Variants in ARHGAP26 observed in about 807,000 individuals in gnomAD.
ARHGAP26 encodes the protein Rho GTPase activating protein 26.
A neutral mutation model predicts 104.8 loss-of-function variants in ARHGAP26; 38 were observed. That is an observed-to-expected ratio of 0.36 (90% CI 0.28 to 0.48). ARHGAP26 has a LOEUF of 0.48. Among genes scored for constraint, ARHGAP26 ranks in the 20% least tolerant of loss-of-function variants. The pLI, the probability that ARHGAP26 is intolerant of heterozygous loss-of-function variation, is 0.99. For missense variants in ARHGAP26, 704 were observed against 947.9 expected (o/e 0.74, Z 3.38); for synonymous variants, 341 against 340.0 (o/e 1.00, Z -0.03).
chr5:143,096,176 G>A (rs1029093637), intron 17 of ARHGAP26, among the ~76,000 whole-genome samples: 1 of 152,144 alleles, frequency 6.6e-6, no homozygotes, highest in Non-Finnish European at 1.5e-5. Flanking sequence ...TGCTCATTTA[G>A]AAAATATTAG....
Position 142,871,698 on chromosome 5 carries a change from G to A in ARHGAP26, c.155-1702G>A, listed in dbSNP as rs1350933899. On this transcript the variant is annotated intron_variant, in intron 1 of 22. Coordinates refer to ENST00000645722, the MANE Select transcript of ARHGAP26 (RefSeq NM_001135608.3). This position sits in a 1 kb window ranked among gnomAD's most constrained non-coding sequence, Gnocchi z 4.1. ...GCCCACGGTGTTCTGGCTTTTGGGT[G>A]CATCTGTTTCCTTCCTGGCTTGCCT... 6.6e-6 allele frequency among the ~76,000 whole-genome samples: 1 copy of A among 152,154 alleles called. No individual in the cohort carries two copies. Among genetic ancestry groups the A allele is most frequent in the Non-Finnish European group, 1.5e-5 (1 of 68,028 alleles).
chr5:142,813,000 C>T (rs184797659), intron 1 of ARHGAP26, among the ~76,000 whole-genome samples: 2 of 148,718 alleles, frequency 1.3e-5, no homozygotes, highest in Non-Finnish European at 1.5e-5. Context: ...TGCAGTGGCG[C>T]GATCTCGGCT....
chr5:143,012,722 C>T (rs995460710), intron 11 of ARHGAP26, among the ~76,000 whole-genome samples: 5 of 149,042 alleles, frequency 3.4e-5, no homozygotes, highest in Admixed American at 6.8e-5. Flanking sequence ...GGCGTGATCT[C>T]GGCTCACTGC....
intron 9 of ARHGAP26, chr5:142,908,962 G>A (rs7705560): frequency 0.41 from 67,181 of 165,558 alleles, 16,772 homozygotes; most frequent in East Asian, 0.86. Flanking sequence ...TTGCTCCTAT[G>A]CTTTATTTTC....
At chr5:142,855,775 G>A (rs1455130327) in intron 1 of ARHGAP26, among the ~76,000 whole-genome samples, 2 of 152,168 alleles carry the variant, frequency 1.3e-5, no homozygotes, top group Admixed American at 6.5e-5. Flanking sequence ...ATTGTTTTCT[G>A]GTTTGGATGT....
chr5:143,026,361 A>G (rs1389105689), intron 12 of ARHGAP26, among the ~76,000 whole-genome samples: 2 of 152,220 alleles, frequency 1.3e-5, no homozygotes, highest in Non-Finnish European at 2.9e-5. Context: ...GGTAGAGATG[A>G]GTATTCTGCA....
At chr5:142,887,964 CA>C (rs1028279404) in intron 5 of ARHGAP26, among the ~76,000 whole-genome samples, 2 of 150,990 alleles carry the variant, frequency 1.3e-5, no homozygotes, top group Admixed American at 6.6e-5. Context: ...GACTCTTTCT[CA>C]AAAAAAACCA....
chr5:143,103,726 G>A (rs777531263), intron 17 of ARHGAP26, among the ~76,000 whole-genome samples: 2 of 152,130 alleles, frequency 1.3e-5, no homozygotes, highest in African/African-American at 4.8e-5. Flanking sequence ...GTTCTCACTC[G>A]TAAGTGGGAG....
chr5:143,168,767 A>G (rs1330289114), intron 20 of ARHGAP26: 1 of 152,140 alleles, frequency 6.6e-6, no homozygotes. Context: ...CTCAGAAACA[A>G]TCAGGATAGA....
At chr5:143,129,689 T>C (rs1288978562) in intron 18 of ARHGAP26, among the ~76,000 whole-genome samples, 2 of 152,192 alleles carry the variant, frequency 1.3e-5, no homozygotes, top group African/African-American at 2.4e-5. Context: ...TACATGGTTA[T>C]TGTGAGTAAA....
intron 1 of ARHGAP26, among the ~76,000 whole-genome samples, chr5:142,836,545 A>G (rs958271264): frequency 6.6e-6 from 1 of 152,206 alleles, no homozygotes; most frequent in Non-Finnish European, 1.5e-5. Context: ...AGTAATTTCC[A>G]TAGTTTTCCT....
rs143843685 is a variant in ARHGAP26, at chr5:142,904,673, G to A, written c.832+1004G>A. On this transcript the variant is annotated intron_variant, in intron 8 of 22. Transcript: ENST00000645722. ...AAAGGCTCTGTGATGGGGCCGTGCC[G>A]TTTAGGATAGCACATTCAGACTTAA... Among the ~76,000 whole-genome samples the A allele has an allele frequency of 6.4e-3, 969 of 152,274 alleles. 1 individual carries two copies. The highest frequency in any genetic ancestry group is 0.01 in the Non-Finnish European group (690 of 68,022).
At chr5:142,985,998 T>G (rs994248557) in intron 11 of ARHGAP26, among the ~76,000 whole-genome samples, 8 of 152,192 alleles carry the variant, frequency 5.3e-5, no homozygotes, top group African/African-American at 1.9e-4. Context: ...GCAGCATGAT[T>G]TATAATTCCT....
At chr5:142,986,915 T>C (rs1774829978) in intron 11 of ARHGAP26, among the ~76,000 whole-genome samples, 2 of 152,232 alleles carry the variant, frequency 1.3e-5, no homozygotes, top group South Asian at 4.1e-4. Context: ...AGCTTTGTGG[T>C]ATAGTTTGAA....
In ARHGAP26 at chr5:143,027,218, C is replaced by T. The variant is rs951155385; in HGVS notation, c.1145-9978C>T. 3.3e-5 allele frequency among the ~76,000 whole-genome samples: 5 copies of T among 151,062 alleles called. No individual in the cohort carries two copies. The East Asian group carries it at 9.7e-4, about 29-fold the overall frequency. ...ATGGAGTCTTACCCTGTCACCCAGGCTAGAATGCAGTGGTACAATCTTGGC... is the reference window on the plus strand; with the variant it reads ...ATGGAGTCTTACCCTGTCACCCAGGTTAGAATGCAGTGGTACAATCTTGGC... On this transcript the variant is annotated intron_variant, in intron 12 of 22. Coordinates refer to ENST00000645722, the MANE Select transcript of ARHGAP26 (RefSeq NM_001135608.3).
intron 1 of ARHGAP26, among the ~76,000 whole-genome samples, chr5:142,849,147 G>A (rs1751033138): frequency 1.3e-5 from 2 of 152,164 alleles, no homozygotes; most frequent in South Asian, 4.1e-4. Flanking sequence ...TAAAGGGATG[G>A]GAGTCAAGGT....
intron 11 of ARHGAP26, among the ~76,000 whole-genome samples, chr5:143,008,310 A>ACTGCTT (rs1778268966): frequency 6.6e-6 from 1 of 152,222 alleles, no homozygotes; most frequent in East Asian, 1.9e-4. Flanking sequence ...CTTTGAACCT[A>ACTGCTT]AGCAGTAGAT....
chr5:143,031,016 C>A (rs532556055), intron 12 of ARHGAP26, among the ~76,000 whole-genome samples: 1 of 152,170 alleles, frequency 6.6e-6, no homozygotes, highest in Non-Finnish European at 1.5e-5. Flanking sequence ...TAGGTGGGAA[C>A]GTCTGAGTGA....
intron 18 of ARHGAP26, among the ~76,000 whole-genome samples, chr5:143,131,204 G>GAA (rs1797313206): frequency 6.6e-6 from 1 of 152,152 alleles, no homozygotes; most frequent in African/African-American, 2.4e-5. Flanking sequence ...TATTGTCTTG[G>GAA]AAGCAATTTT....
Sources: allele counts gnomAD v4.1 joint callset (sites outside exome capture counted in the v4.1 genomes callset), GRCh38; gene constraint gnomAD v4.1.1; non-coding constraint Gnocchi (gnomAD v3.1); transcripts MANE v1.5; gene names NCBI Gene and HGNC (gene_info 2026-07-23, HGNC 2026-07-21).